The following ANKRD55 variants were observed in gnomAD, a reference collection of about 807,000 sequenced individuals.
ANKRD55 encodes the protein ankyrin repeat domain 55.
Under a neutral mutation model 60.6 loss-of-function variants are expected in ANKRD55, and 41 were observed. The observed-to-expected ratio is 0.68, with a 90% confidence interval of 0.53 to 0.88. The LOEUF (loss-of-function observed/expected upper bound fraction) is 0.88. Ranked by LOEUF, ANKRD55 falls within the 40% of genes least tolerant of loss-of-function variation. The pLI, the probability that ANKRD55 is intolerant of heterozygous loss-of-function variation, is 0.00. For missense variants in ANKRD55, 732 were observed against 767.6 expected (o/e 0.95, Z 0.55); for synonymous variants, 264 against 290.3 (o/e 0.91, Z 0.92).
At chr5:56,230,267 G>C (rs1477238674) in intron 2 of ANKRD55, among the ~76,000 whole-genome samples, 2 of 152,076 alleles carry the variant, frequency 1.3e-5, no homozygotes, top group Non-Finnish European at 2.9e-5. Context: ...GCTAATTTTT[G>C]TATTTTCAGT....
At chr5:56,179,353 A>G (rs74430602) in intron 3 of ANKRD55, among the ~76,000 whole-genome samples, 136 of 152,338 alleles carry the variant, frequency 8.9e-4, no homozygotes, top group African/African-American at 3.2e-3. Context: ...AAAATAGTTC[A>G]AGCACAAAAA....
At chr5:56,149,641 T>A (rs757175753) in intron 6 of ANKRD55, among the ~76,000 whole-genome samples, 15 of 152,176 alleles carry the variant, frequency 9.9e-5, no homozygotes, top group Non-Finnish European at 1.5e-4. Flanking sequence ...AAATATTTGT[T>A]GAATAATTAA....
chr5:56,198,746 C>T (rs1339872682), intron 2 of ANKRD55, among the ~76,000 whole-genome samples: 1 of 151,498 alleles, frequency 6.6e-6, no homozygotes, highest in Admixed American at 6.6e-5. Flanking sequence ...GTGATAGATC[C>T]TATGCTAAAT....
rs561706641 is a variant in ANKRD55 at position 56,164,874 on chromosome 5, G to A, written c.423-4981C>T. On this transcript the variant is annotated intron_variant, in intron 5 of 11. Coordinates refer to ENST00000341048, the MANE Select transcript of ANKRD55 (RefSeq NM_024669.3). ...AAACCCAGTGTGCCTTCACGTTCAT[G>A]ATTATAAATCACTTATCCCTGCATC... Among the ~76,000 whole-genome samples, 196 of 152,296 alleles carry A rather than the reference G, an allele frequency of 1.3e-3. 1 individual carries two copies. Among genetic ancestry groups the A allele is most frequent in the Admixed American group, 4.2e-3 (65 of 15,300 alleles).
At chr5:56,186,674 T>C (rs923329526) in intron 2 of ANKRD55, among the ~76,000 whole-genome samples, 4 of 152,206 alleles carry the variant, frequency 2.6e-5, no homozygotes, top group African/African-American at 7.2e-5. Flanking sequence ...ATCTGGGACA[T>C]GTAGAGAAAA....
At chr5:56,129,920 AG>A (rs1757366505) in intron 7 of ANKRD55, among the ~76,000 whole-genome samples, 1 of 152,212 alleles carries the variant, frequency 6.6e-6, no homozygotes, top group Admixed American at 6.5e-5. Context: ...CATCGGTTGG[AG>A]CCAGACATGT....
intron 10 of ANKRD55, among the ~76,000 whole-genome samples, chr5:56,106,371 A>C (rs1287133301): frequency 6.6e-6 from 1 of 151,126 alleles, no homozygotes; most frequent in Non-Finnish European, 1.5e-5. Flanking sequence ...TCTCAAAACA[A>C]TTATTGTTAA....
chr5:56,188,369 C>CAA (rs58369527), intron 2 of ANKRD55, among the ~76,000 whole-genome samples: 97 of 148,584 alleles, frequency 6.5e-4, no homozygotes, highest in Admixed American at 3.2e-3. Context: ...CCCCTACAAC[C>CAA]AAAAAAAAAG....
chr5:56,176,712 C>T (rs1336328710), intron 3 of ANKRD55, among the ~76,000 whole-genome samples: 2 of 152,094 alleles, frequency 1.3e-5, no homozygotes, highest in South Asian at 2.1e-4. Context: ...CAGTACCCAG[C>T]CTTGGATTGC....
chr5:56,228,148 A>G (rs576054772), intron 2 of ANKRD55, among the ~76,000 whole-genome samples: 7 of 152,050 alleles, frequency 4.6e-5, no homozygotes, highest in Admixed American at 6.6e-5. Context: ...ATGGCAAGAG[A>G]GTGACTATGA....
intron 2 of ANKRD55, among the ~76,000 whole-genome samples, chr5:56,219,168 G>C (rs1395216138): frequency 6.6e-6 from 1 of 151,644 alleles, no homozygotes; most frequent in Non-Finnish European, 1.5e-5. Flanking sequence ...AGCTATGTGG[G>C]AGGCTGGGGC....
intron 8 of ANKRD55, among the ~76,000 whole-genome samples, chr5:56,124,895 A>C (rs1757194458): frequency 6.6e-6 from 1 of 152,190 alleles, no homozygotes; most frequent in African/African-American, 2.4e-5. Flanking sequence ...AAAAAAATGG[A>C]GGCTAGGATT....
chr5:56,126,459 T>A (rs974200037), intron 8 of ANKRD55, among the ~76,000 whole-genome samples: 3 of 152,182 alleles, frequency 2.0e-5, no homozygotes, highest in Admixed American at 6.5e-5. Context: ...ACATCTTTGA[T>A]GATCGAAAAC....
chr5:56,228,281 A>G (rs150913), intron 2 of ANKRD55, among the ~76,000 whole-genome samples: 54,220 of 151,860 alleles, frequency 0.36, 10,787 homozygotes, highest in East Asian at 0.84. Context: ...AGGAACTTTG[A>G]AACAGGTACA....
At chr5:56,225,269 G>A (rs552665838) in intron 2 of ANKRD55, among the ~76,000 whole-genome samples, 135 of 152,166 alleles carry the variant, frequency 8.9e-4, no homozygotes, top group Middle Eastern at 3.4e-3. Flanking sequence ...AAAGGCTTTC[G>A]ACAAAATTCA....
intron 8 of ANKRD55, among the ~76,000 whole-genome samples, chr5:56,121,971 CTG>C (rs1757078626): frequency 6.6e-6 from 1 of 152,116 alleles, no homozygotes; most frequent in African/African-American, 2.4e-5. Context: ...AGGACTCTGC[CTG>C]TGTTTTGGTA....
intron 8 of ANKRD55, among the ~76,000 whole-genome samples, chr5:56,124,652 C>T (rs949670338): frequency 1.3e-5 from 2 of 151,972 alleles, no homozygotes; most frequent in African/African-American, 4.8e-5. Flanking sequence ...GGATTACAGG[C>T]GTGCGCCACC....
At chr5:56,142,232 G>A (rs1757790084) in intron 7 of ANKRD55, among the ~76,000 whole-genome samples, 2 of 152,146 alleles carry the variant, frequency 1.3e-5, no homozygotes, top group South Asian at 4.1e-4. Context: ...GGAGGCTGAG[G>A]CAGGAGAATT....
intron 8 of ANKRD55, among the ~76,000 whole-genome samples, chr5:56,122,317 G>C (rs4361470): frequency 0.09 from 13,627 of 152,002 alleles, 950 homozygotes; most frequent in East Asian, 0.32. Context: ...ACTGTGAAAA[G>C]GTACTGGACG....
Sources: allele counts gnomAD v4.1 joint callset (sites outside exome capture counted in the v4.1 genomes callset), GRCh38; gene constraint gnomAD v4.1.1; transcripts MANE v1.5; gene names NCBI Gene and HGNC (gene_info 2026-07-23, HGNC 2026-07-21).